NDST3: variants seen among roughly 807,000 people sequenced by gnomAD.
NDST3 encodes the protein N-deacetylase and N-sulfotransferase 3, also known as bifunctional heparan sulfate N-deacetylase/N-sulfotransferase 3.
Under a neutral mutation model 96.1 loss-of-function variants are expected in NDST3, and 58 were observed. The ratio of observed to expected loss-of-function variants is 0.60; its 90% confidence interval spans 0.49 to 0.75. The LOEUF is 0.75. Among genes scored for constraint, NDST3 ranks in the 30% least tolerant of loss-of-function variants. NDST3 has a pLI of 0.00. For missense variants in NDST3, 788 were observed against 1,034.2 expected (o/e 0.76, Z 3.27); for synonymous variants, 333 against 359.7 (o/e 0.93, Z 0.84).
intron 6 of NDST3, among the ~76,000 whole-genome samples, chr4:118,192,713 GTT>G (rs200456098): frequency 1.4e-5 from 2 of 144,812 alleles, no homozygotes. Context: ...TTTTTTGTGG[GTT>G]TTTTTTTTTG....
intron 2 of NDST3, among the ~76,000 whole-genome samples, chr4:118,066,233 T>TTATATATTATATATATTATATATTA (rs1360037521): frequency 6.6e-5 from 4 of 60,966 alleles, no homozygotes; most frequent in African/African-American, 2.7e-4. Flanking sequence ...ATTATATATA[T>TTATATATTATATATATTATATATTA]TATATATTAT....
rs550691900 is a variant in NDST3 at position 118,147,056 on chromosome 4, G to A, written c.1539+3372G>A. ...ATTGATCAATACTTCCCATGTAACC[G>A]GACTACCTGGAAAGAGCCCTCTAAT... is the stretch of plus-strand genomic sequence containing the variant. On this transcript the variant is annotated intron_variant, in intron 6 of 13. Coordinates refer to ENST00000296499, the MANE Select transcript of NDST3 (RefSeq NM_004784.3). Among the ~76,000 whole-genome samples the A allele has an allele frequency of 1.1e-4, 16 of 152,152 alleles. No individual in the cohort carries two copies. The South Asian group carries it at 2.5e-3, about 24-fold the overall frequency.
At chr4:118,179,652 G>A (rs1207118891) in intron 6 of NDST3, among the ~76,000 whole-genome samples, 2 of 151,994 alleles carry the variant, frequency 1.3e-5, no homozygotes, top group South Asian at 2.1e-4. Flanking sequence ...AAATGAGCAA[G>A]ACTAATAAAA....
intron 6 of NDST3, among the ~76,000 whole-genome samples, chr4:118,148,777 TTA>T: frequency 6.6e-6 from 1 of 152,328 alleles, no homozygotes; most frequent in East Asian, 1.9e-4. Flanking sequence ...ATGGGAAGTT[TTA>T]TGTTTCTTTT....
intron 6 of NDST3, among the ~76,000 whole-genome samples, chr4:118,173,779 TG>T (rs1736107182): frequency 1.3e-5 from 2 of 152,094 alleles, no homozygotes; most frequent in Non-Finnish European, 2.9e-5. Context: ...CAATGGGTAT[TG>T]CCACTCTTTC....
Position 118,166,275 on chromosome 4 carries a change from T to A in NDST3, c.1539+22591T>A, listed in dbSNP as rs534352421. ...GATCATAATAGTCTATAATGTACAA[T>A]TATACACTGATAAATTGGAATAACC... On this transcript the variant is annotated intron_variant, in intron 6 of 13. Coordinates refer to ENST00000296499, the MANE Select transcript of NDST3 (RefSeq NM_004784.3). Among the ~76,000 whole-genome samples the A allele has an allele frequency of 1.5e-4, 23 of 151,924 alleles. No individual in the cohort carries two copies. In the South Asian group the frequency reaches 4.4e-3, roughly 29 times the overall value.
At chr4:118,063,166 G>A (rs180927756) in intron 2 of NDST3, among the ~76,000 whole-genome samples, 93 of 145,382 alleles carry the variant, frequency 6.4e-4, no homozygotes, top group African/African-American at 2.2e-3. Context: ...CTCCAGCCCC[G>A]GCAACAAGAG....
At chr4:118,125,828 A>G (rs1374659475) in intron 4 of NDST3, among the ~76,000 whole-genome samples, 1 of 152,100 alleles carries the variant, frequency 6.6e-6, no homozygotes, top group Non-Finnish European at 1.5e-5. Context: ...CATTTATCAC[A>G]GGAACATAGT....
At chr4:118,034,632 C>T (rs1214098146) in intron 1 of NDST3, 40 bp downstream of exon 1, 1 of 152,134 alleles carries the variant, frequency 6.6e-6, no homozygotes, top group African/African-American at 2.4e-5. Flanking sequence ...ATTAATGCCT[C>T]ACTCATAAAT....
In NDST3 at chr4:118,215,735, T is replaced by C. The variant is rs558279448; in HGVS notation, c.1540-8756T>C. Among the ~76,000 whole-genome samples, 4 of 152,150 alleles carry C rather than the reference T, an allele frequency of 2.6e-5. No individual in the cohort carries two copies. The South Asian group carries it at 8.3e-4, about 32-fold the overall frequency. On this transcript the variant is annotated intron_variant, in intron 6 of 13. Coordinates refer to ENST00000296499, the MANE Select transcript of NDST3 (RefSeq NM_004784.3). ...AAAGCACTGGGGGATATATTAGTCT[T>C]GACAACAAAATGGAACACCTTTGCT... is the stretch of plus-strand genomic sequence containing the variant.
At chr4:118,082,802 T>C (rs966956885) in intron 2 of NDST3, among the ~76,000 whole-genome samples, 4 of 152,104 alleles carry the variant, frequency 2.6e-5, no homozygotes, top group Non-Finnish European at 4.4e-5. Flanking sequence ...GAAAAGAGGC[T>C]TAATTGACTC....
intron 4 of NDST3, among the ~76,000 whole-genome samples, chr4:118,116,098 T>C (rs983690553): frequency 6.6e-6 from 1 of 152,300 alleles, no homozygotes; most frequent in African/African-American, 2.4e-5. Flanking sequence ...GCATGTAAAA[T>C]TGGTAAAACG....
chr4:118,223,178 C>T (rs1045619503), intron 6 of NDST3, among the ~76,000 whole-genome samples: 12 of 151,790 alleles, frequency 7.9e-5, no homozygotes, highest in African/African-American at 2.4e-4. Context: ...CCACCTCCAA[C>T]GACATTAGAA....
intron 2 of NDST3, among the ~76,000 whole-genome samples, chr4:118,078,194 C>T (rs1448921875): frequency 1.3e-5 from 2 of 152,144 alleles, no homozygotes; most frequent in African/African-American, 2.4e-5. Flanking sequence ...CCCAGCTTCA[C>T]TCCTCTCTGC....
chr4:118,190,276 G>T (rs1480563320), intron 6 of NDST3, among the ~76,000 whole-genome samples: 3 of 151,760 alleles, frequency 2.0e-5, no homozygotes, highest in Non-Finnish European at 2.9e-5. Context: ...GATGGTTCAA[G>T]TTATTGTTTT....
intron 9 of NDST3, among the ~76,000 whole-genome samples, chr4:118,234,072 T>C (rs995776789): frequency 1.3e-5 from 2 of 152,202 alleles, no homozygotes; most frequent in Non-Finnish European, 2.9e-5. Flanking sequence ...CAGGGTTTGA[T>C]ATTGATTAAT....
chr4:118,097,877 A>C (rs886289909), intron 2 of NDST3, among the ~76,000 whole-genome samples: 10 of 151,800 alleles, frequency 6.6e-5, no homozygotes, highest in African/African-American at 2.4e-4. Flanking sequence ...ATAAATACTT[A>C]CTTTCCCTTC....
At chr4:118,153,328 A>G (rs1734523289) in intron 6 of NDST3, among the ~76,000 whole-genome samples, 1 of 152,160 alleles carries the variant, frequency 6.6e-6, no homozygotes, top group African/African-American at 2.4e-5. Flanking sequence ...TTTACTCTAA[A>G]CCTCAACACT....
rs1271032006 is a variant in NDST3, at chr4:118,207,181, A to T, written c.1540-17310A>T. Reference sequence around the variant, plus strand: ...CACACACACACACACACACACACACACACACACACAAATTATATCTGTGGC... The same window carrying T: ...CACACACACACACACACACACACACTCACACACACAAATTATATCTGTGGC... On this transcript the variant is annotated intron_variant, in intron 6 of 13. Coordinates refer to ENST00000296499, the MANE Select transcript of NDST3 (RefSeq NM_004784.3). Among the ~76,000 whole-genome samples, 10 of 100,850 alleles carry T rather than the reference A, an allele frequency of 9.9e-5. 1 individual carries two copies. The East Asian group carries it at 2.8e-3, about 28-fold the overall frequency. The allele number at this position is 100,850 out of a possible 152,430, so 66.2% of individuals were successfully genotyped here.
Sources: gnomAD v4.1 joint callset for allele counts (sites outside exome capture counted in the v4.1 genomes callset) on GRCh38, gnomAD v4.1.1 for gene constraint, MANE v1.5 for transcripts, NCBI Gene and HGNC (gene_info 2026-07-23, HGNC 2026-07-21) for gene names.